COL23A1: variants seen among roughly 807,000 people sequenced by gnomAD.
COL23A1 encodes the protein collagen alpha-1(XXIII) chain.
A neutral mutation model predicts 99.3 loss-of-function variants in COL23A1; 97 were observed. That is an observed-to-expected ratio of 0.98 (90% CI 0.83 to 1.16). The LOEUF is 1.16. Among genes scored for constraint, COL23A1 ranks in the 50% most tolerant of loss-of-function variants. The pLI is 0.00. For synonymous variants in COL23A1, 320 were observed against 308.2 expected (o/e 1.04, Z -0.40); for missense variants, 762 against 757.4 (o/e 1.01, Z -0.07).
At chr5:178,513,209 C>T (rs767242579) in intron 2 of COL23A1, among the ~76,000 whole-genome samples, 3 of 152,124 alleles carry the variant, frequency 2.0e-5, no homozygotes, top group South Asian at 2.1e-4. Context: ...GAGGTGGTGG[C>T]GATAATAGCT....
intron 2 of COL23A1, among the ~76,000 whole-genome samples, chr5:178,543,876 G>A (rs1046695533): frequency 1.3e-5 from 2 of 152,152 alleles, no homozygotes; most frequent in African/African-American, 2.4e-5. Context: ...TCTGGAGGCT[G>A]TAAGGCGCCT....
intron 2 of COL23A1, among the ~76,000 whole-genome samples, chr5:178,322,755 G>A (rs906587050): frequency 6.6e-6 from 1 of 152,238 alleles, no homozygotes; most frequent in South Asian, 2.1e-4. Context: ...GGACACCCAC[G>A]GGAGGCCCTG....
intron 2 of COL23A1, among the ~76,000 whole-genome samples, chr5:178,555,742 C>T (rs1762236539): frequency 6.6e-6 from 1 of 152,234 alleles, no homozygotes. Context: ...AGTCAAGACT[C>T]AAGTCCAGGT....
At chr5:178,562,963 G>A (rs188044211) in intron 1 of COL23A1, among the ~76,000 whole-genome samples, 1 of 152,018 alleles carries the variant, frequency 6.6e-6, no homozygotes, top group African/African-American at 2.4e-5. Context: ...CATTTTTACA[G>A]AGCACTGATT....
At chr5:178,341,732 C>T (rs1415927719) in intron 2 of COL23A1, among the ~76,000 whole-genome samples, 1 of 152,030 alleles carries the variant, frequency 6.6e-6, no homozygotes, top group Non-Finnish European at 1.5e-5. Flanking sequence ...GTCTCCCACT[C>T]ACCTCTCTCC....
intron 2 of COL23A1, among the ~76,000 whole-genome samples, chr5:178,341,020 G>C (rs115632992): frequency 5.6e-4 from 85 of 152,336 alleles, no homozygotes; most frequent in African/African-American, 2.0e-3. Flanking sequence ...TGAGTCCCTT[G>C]AGCTGAGACA....
chr5:178,258,262 T>TATATATATATATACACATAC lies in COL23A1; in HGVS notation c.730-696_730-695insGTATGTGTATATATATATAT. On this transcript the variant is annotated intron_variant, in intron 12 of 28. Coordinates refer to ENST00000390654, the MANE Select transcript of COL23A1 (RefSeq NM_173465.4). ...ATATATATATATATATATATATATA[T>TATATATATATATACACATAC]ACACATGCAAATCAATTCTAGGCAC... 1.1e-4 allele frequency among the ~76,000 whole-genome samples: 11 copies of TATATATATATATACACATAC among 104,124 alleles called. 1 individual carries two copies. In the South Asian group the frequency reaches 2.7e-3, roughly 26 times the overall value. The allele number at this position is 104,124 out of a possible 152,430, so 68.3% of individuals were successfully genotyped here.
chr5:178,272,349 T>C (rs780871150), intron 5 of COL23A1, among the ~76,000 whole-genome samples: 34 of 152,164 alleles, frequency 2.2e-4, no homozygotes, highest in Non-Finnish European at 3.7e-4. Context: ...TCCCAGACGG[T>C]GTGAGAGTGG....
intron 2 of COL23A1, among the ~76,000 whole-genome samples, chr5:178,401,826 T>C (rs1338997778): frequency 6.6e-6 from 1 of 152,178 alleles, no homozygotes; most frequent in Non-Finnish European, 1.5e-5. Flanking sequence ...TTGTCTTTTT[T>C]TCTTTTGAGA....
intron 5 of COL23A1, among the ~76,000 whole-genome samples, chr5:178,273,074 T>G (rs1271516394): frequency 3.9e-5 from 6 of 152,222 alleles, no homozygotes; most frequent in Non-Finnish European, 7.3e-5. Flanking sequence ...CTGTCTGGCC[T>G]CCCGGCCGCT....
intron 2 of COL23A1, among the ~76,000 whole-genome samples, chr5:178,534,355 C>T (rs1237115674): frequency 2.6e-5 from 4 of 152,158 alleles, no homozygotes; most frequent in African/African-American, 9.7e-5. Flanking sequence ...AAAGGCCCCG[C>T]CTCCCAACAC....
At chr5:178,250,375 G>A (rs1764970570) in intron 17 of COL23A1, among the ~76,000 whole-genome samples, 1 of 152,208 alleles carries the variant, frequency 6.6e-6, no homozygotes, top group African/African-American at 2.4e-5. Context: ...CAGAGCCCAG[G>A]AACAACGATG....
At chr5:178,579,196 G>A (rs901281090) in intron 1 of COL23A1, among the ~76,000 whole-genome samples, 4 of 152,176 alleles carry the variant, frequency 2.6e-5, no homozygotes, top group Admixed American at 6.5e-5. Context: ...TTAGCAAACA[G>A]ATGTAGACAT....
chr5:178,256,874 C>A lies in COL23A1; in HGVS notation c.829G>T (p.Gly277Ter). Reference sequence around the variant, plus strand: ...GAGAGCTCTCATGTCACCTTCGGTCCTGGGGCACCGTCCACACCGTTCTCT... The same window carrying A: ...GAGAGCTCTCATGTCACCTTCGGTCATGGGGCACCGTCCACACCGTTCTCT... ...RGENGVDGAP[G>*]PKGEPGHRGT... The change falls in exon 14 of 29, where the codon GGA (glycine) becomes TGA (stop). Residue 277 changes from glycine (G) to a stop codon, truncating the protein, a stop_gained. Coordinates refer to ENST00000390654, the MANE Select transcript of COL23A1 (RefSeq NM_173465.4). LOFTEE classifies it high-confidence loss of function. The A allele has an allele frequency of 6.2e-7, 1 of 1,613,180 alleles. No homozygotes were observed.
At position 178,239,032 on chromosome 5, in the gene COL23A1, G is replaced by A. The variant is rs534485599; in HGVS notation, c.1620+109C>T. The A allele has an allele frequency of 8.0e-6, 10 of 1,256,996 alleles. No homozygotes were observed. The Admixed American group carries it at 8.6e-5, about 11-fold the overall frequency. 77.9% of individuals were successfully genotyped at this position (1,256,996 alleles called of 1,614,324 possible). ...CTATTCAGTCACTGTGCGAGAAGCC[G>A]CAGACACCCAGAGGTTTGAGTGACA... On this transcript the variant is annotated intron_variant, in intron 28 of 28. Transcript: ENST00000390654.
At chr5:178,363,849 A>C (rs1349724252) in intron 2 of COL23A1, among the ~76,000 whole-genome samples, 1 of 152,208 alleles carries the variant, frequency 6.6e-6, no homozygotes, top group African/African-American at 2.4e-5. Context: ...TGATCACATT[A>C]GCAAGTCCTT....
At chr5:178,563,587 A>G (rs1202238489) in intron 1 of COL23A1, among the ~76,000 whole-genome samples, 1 of 132,140 alleles carries the variant, frequency 7.6e-6, no homozygotes, top group Non-Finnish European at 1.5e-5. Context: ...GCTGGAATGC[A>G]GTGGCACCAT....
chr5:178,265,703 C>T (rs1038527553), intron 8 of COL23A1: 10 of 985,718 alleles, frequency 1.0e-5, no homozygotes, highest in South Asian at 4.7e-5. Flanking sequence ...TTATAAAGCC[C>T]GGATTGAGCC....
intron 2 of COL23A1, among the ~76,000 whole-genome samples, chr5:178,480,983 T>G (rs899501151): frequency 3.3e-5 from 5 of 151,446 alleles, no homozygotes; most frequent in Non-Finnish European, 7.4e-5. Flanking sequence ...TTGTCTCTAT[T>G]AAAAATACAA....
Sources: gnomAD v4.1 joint callset for allele counts (sites outside exome capture counted in the v4.1 genomes callset) on GRCh38, gnomAD v4.1.1 for gene constraint, MANE v1.5 for transcripts, NCBI Gene and HGNC (gene_info 2026-07-23, HGNC 2026-07-21) for gene names.